Variants in DNAH14 observed in about 807,000 individuals in gnomAD.
DNAH14 encodes the protein axonemal beta dynein heavy chain 14.
In DNAH14, 478 loss-of-function variants were observed where a neutral mutation model predicts 520.9. That is an observed-to-expected ratio of 0.92 (90% CI 0.85 to 0.99). DNAH14 has a LOEUF of 0.99. Ranked by LOEUF, DNAH14 falls within the 50% of genes least tolerant of loss-of-function variation. DNAH14 has a pLI of 0.00. For missense variants in DNAH14, 4,831 were observed against 5,234.5 expected (o/e 0.92, Z 2.38); for synonymous variants, 1,581 against 1,757.2 (o/e 0.90, Z 2.51).
intron 1 of DNAH14, among the ~76,000 whole-genome samples, chr1:224,935,090 A>C (rs2058942113): frequency 6.6e-6 from 1 of 151,918 alleles, no homozygotes; most frequent in South Asian, 2.1e-4. Flanking sequence ...GTGGTAAAGC[A>C]ATCACACAAA....
chr1:225,097,282 TGTGA>T (rs1386369420), intron 22 of DNAH14, 43 bp downstream of exon 22: 8 of 1,473,796 alleles, frequency 5.4e-6, no homozygotes, highest in Non-Finnish European at 7.3e-6. Context: ...CAAAATGCAT[TGTGA>T]GTAATTTATT....
At chr1:225,141,906 C>G (rs189769651) in intron 28 of DNAH14, among the ~76,000 whole-genome samples, 1 of 152,092 alleles carries the variant, frequency 6.6e-6, no homozygotes, top group African/African-American at 2.4e-5. Context: ...AATAAATGTA[C>G]GGTTAGCATA....
intron 44 of DNAH14, among the ~76,000 whole-genome samples, chr1:225,254,067 A>AT (rs1433619228): frequency 2.0e-5 from 3 of 152,036 alleles, no homozygotes; most frequent in Admixed American, 6.6e-5. Flanking sequence ...ATGTTCTCCT[A>AT]TTTTTTTCTC....
chr1:225,193,338 A>G lies in DNAH14; in HGVS notation c.5886+427A>G, dbSNP rs1444975262. 2.6e-5 allele frequency among the ~76,000 whole-genome samples: 4 copies of G among 152,280 alleles called. No individual in the cohort carries two copies. The South Asian group carries it at 6.2e-4, about 24-fold the overall frequency. On this transcript the variant is annotated intron_variant, in intron 38 of 85. Coordinates refer to ENST00000682510, the MANE Select transcript of DNAH14 (RefSeq NM_001367479.1). ...ATTTTTATTCTCATTAGCAATAACT[A>G]GAGATTGCTGGTAAATATCATTAGA...
At chr1:225,266,502 T>C (rs1321837031) in intron 48 of DNAH14, 139 bp from the exon 49 acceptor site, 3 of 515,522 alleles carry the variant, frequency 5.8e-6, no homozygotes, top group Non-Finnish European at 9.3e-6. Context: ...AAATCAGACA[T>C]GTTATTACAT....
chr1:225,374,866 T>G lies in DNAH14; in HGVS notation c.12497T>G (p.Phe4166Cys). ...FCNPEVLKDD[F>C]SFSSDGICLP... is the part of the protein sequence containing the mutation. The stretch of plus-strand genomic sequence containing the variant: ...AATCCTGAAGTGCTGAAAGATGACT[T>G]CAGTTTCTCCAGTGATGGGGTAGGA... Residue 4166 changes from phenylalanine to cysteine, a missense_variant, in exon 78 of 86, where the codon TTC (phenylalanine) becomes TGC (cysteine). By Grantham distance (205) the Phe-to-Cys change is radical. Coordinates refer to ENST00000682510, the MANE Select transcript of DNAH14 (RefSeq NM_001367479.1). The G allele has an allele frequency of 6.5e-7, 1 of 1,550,262 alleles. No individual in the cohort carries two copies. Among genetic ancestry groups the G allele is most frequent in the Non-Finnish European group, 8.7e-7 (1 of 1,146,014 alleles).
chr1:225,283,441 G>GA lies in DNAH14; in HGVS notation c.8271+5951dup, dbSNP rs71170070. ...AAATTAAGTGTTCTGAGACCAAAAAGAAAAAAAAAAAAGACATGCTATAAT... is the reference window on the plus strand; with the variant it reads ...AAATTAAGTGTTCTGAGACCAAAAAGAAAAAAAAAAAAAGACATGCTATAAT... On this transcript the variant is annotated intron_variant, in intron 54 of 85. Transcript: ENST00000682510. Among the ~76,000 whole-genome samples the GA allele has an allele frequency of 1.4e-4, 19 of 134,170 alleles. No homozygotes were observed. The South Asian group carries it at 1.6e-3, about 11-fold the overall frequency. The allele number at this position is 134,170 out of a possible 152,430, so 88.0% of individuals were successfully genotyped here.
At position 225,129,865 on chromosome 1, in the gene DNAH14, A is replaced by G. The variant is rs994974015; in HGVS notation, c.4254+6251A>G. ...CTTCTGCACAGCAAAAGAAACTACC[A>G]TCAGAGTGAATAGGCAATCCACAAA... On this transcript the variant is annotated intron_variant, in intron 27 of 85. Coordinates refer to ENST00000682510, the MANE Select transcript of DNAH14 (RefSeq NM_001367479.1). 2.6e-4 allele frequency among the ~76,000 whole-genome samples: 40 copies of G among 152,342 alleles called. 1 individual carries two copies. Among genetic ancestry groups the G allele is most frequent in the Non-Finnish European group, 5.4e-4 (37 of 68,038 alleles).
intron 69 of DNAH14, among the ~76,000 whole-genome samples, chr1:225,345,409 G>T (rs116803190): frequency 3.0e-3 from 458 of 152,260 alleles, no homozygotes; most frequent in African/African-American, 0.011. Flanking sequence ...AAACCTGAGA[G>T]CTCCCTTAAA....
intron 75 of DNAH14, among the ~76,000 whole-genome samples, chr1:225,361,725 TA>T (rs1177111900): frequency 6.6e-6 from 1 of 152,240 alleles, no homozygotes; most frequent in Non-Finnish European, 1.5e-5. Flanking sequence ...TTTAGCAGTT[TA>T]AAAACTATAC....
rs571966822 is a variant in DNAH14 at position 225,252,767 on chromosome 1, A to G, written c.6865+350A>G. Among the ~76,000 whole-genome samples the G allele has an allele frequency of 1.3e-3, 205 of 152,278 alleles. 1 individual carries two copies. Among genetic ancestry groups the G allele is most frequent in the African/African-American group, 4.8e-3 (198 of 41,560 alleles). On this transcript the variant is annotated intron_variant, in intron 44 of 85. Coordinates refer to ENST00000682510, the MANE Select transcript of DNAH14 (RefSeq NM_001367479.1). ...ACTACTTGTAAAATGTGAAAAACAT[A>G]TATGTAAAAACTTACACTTAATTAT...
chr1:225,010,780 A>T (rs959554126), intron 10 of DNAH14, among the ~76,000 whole-genome samples: 1 of 151,986 alleles, frequency 6.6e-6, no homozygotes, highest in South Asian at 2.1e-4. Context: ...AGAACTTGTT[A>T]TTGGTCCATT....
At position 225,050,179 on chromosome 1, in the gene DNAH14, G is replaced by A. The variant is rs918374479; in HGVS notation, c.1913-31G>A. 1.0e-5 allele frequency: 15 copies of A among 1,502,210 alleles called. No homozygotes were observed. In the Admixed American group the frequency reaches 1.8e-4, roughly 18 times the overall value. The allele number at this position is 1,502,210 out of a possible 1,614,324, so 93.1% of individuals were successfully genotyped here. On this transcript the variant is annotated intron_variant, in intron 15 of 85. Transcript: ENST00000682510. ...AAGTGTTGCTTTCAATGGCATTTCT[G>A]AAGTACTGACTTTTAAATTATATAT...
chr1:224,977,119 A>G (rs982953674), intron 8 of DNAH14, among the ~76,000 whole-genome samples: 5 of 152,138 alleles, frequency 3.3e-5, no homozygotes, highest in East Asian at 1.9e-4. Flanking sequence ...CTGGATTAAG[A>G]AAATGTGGCA....
At chr1:225,166,482 A>T (rs2082057787) in intron 35 of DNAH14, among the ~76,000 whole-genome samples, 1 of 152,200 alleles carries the variant, frequency 6.6e-6, no homozygotes, top group Non-Finnish European at 1.5e-5. Context: ...TAAAATTATG[A>T]TGGTTTTAAT....
At chr1:224,971,936 G>C (rs1449157677) in intron 7 of DNAH14, among the ~76,000 whole-genome samples, 1 of 152,140 alleles carries the variant, frequency 6.6e-6, no homozygotes, top group South Asian at 2.1e-4. Flanking sequence ...GGCTAGATAG[G>C]TTTTTGATTC....
At chr1:225,336,971 C>T (rs528338287) in intron 66 of DNAH14, among the ~76,000 whole-genome samples, 5 of 152,208 alleles carry the variant, frequency 3.3e-5, no homozygotes, top group Middle Eastern at 3.4e-3. Context: ...TTAGAGTCTA[C>T]GAGCCTTGGA....
intron 11 of DNAH14, among the ~76,000 whole-genome samples, chr1:225,031,593 TA>T (rs1335886610): frequency 2.6e-5 from 4 of 151,976 alleles, no homozygotes; most frequent in African/African-American, 7.2e-5. Context: ...ATTAAAAGAA[TA>T]AAAAAATCGA....
At chr1:225,343,731 T>A (rs3856147) in intron 69 of DNAH14, among the ~76,000 whole-genome samples, 37,049 of 152,070 alleles carry the variant, frequency 0.24, 4,867 homozygotes, top group African/African-American at 0.34. Context: ...TTATAACACA[T>A]GAATAAATTG....
Sources: allele counts gnomAD v4.1 joint callset (sites outside exome capture counted in the v4.1 genomes callset), GRCh38; gene constraint gnomAD v4.1.1; transcripts MANE v1.5; gene names NCBI Gene and HGNC (gene_info 2026-07-23, HGNC 2026-07-21).